Variants in NECTIN1 observed in about 807,000 individuals in gnomAD.
NECTIN1 encodes nectin-1.
A neutral mutation model predicts 48.0 loss-of-function variants in NECTIN1; 23 were observed. The ratio of observed to expected loss-of-function variants is 0.48; its 90% CI spans 0.34 to 0.68. The LOEUF (loss-of-function observed/expected upper bound fraction) is 0.68, where lower values mean the gene tolerates loss of function less well. Ranked by LOEUF, NECTIN1 falls within the 30% of genes least tolerant of loss-of-function variation. The pLI is 0.01. For missense variants in NECTIN1, 591 were observed against 709.9 expected, an observed-to-expected ratio of 0.83 and a Z score of 1.90; for synonymous variants, 270 against 288.9, an observed-to-expected ratio of 0.93 and a Z score of 0.66.
At chr11:119,728,356 C>T (rs1340135269) in intron 1 of NECTIN1, 119 bp downstream of exon 1, 1 of 994,744 alleles carries the variant, frequency 1.0e-6, no homozygotes, top group Non-Finnish European at 1.5e-6. Flanking sequence ...TTACCCAAGC[C>T]GTGACCCAAC....
intron 1 of NECTIN1, chr11:119,713,660 G>C (rs375546462): frequency 8.8e-6 from 3 of 341,088 alleles, no homozygotes; most frequent in African/African-American, 4.4e-5. Context: ...TGACAGGAAA[G>C]AATGGGACCG....
In NECTIN1 at chr11:119,683,573, GGTGTGTGTGTGTGTGTGT is replaced by G. The variant is rs66955603; in HGVS notation, c.80-4826_80-4809del. ...AGAAACAGGGGCTTTGGGGATCCCG[GGTGTGTGTGTGTGTGTGT>G]GTGTGTGTGTGTGTGTGTGGGCACT... On this transcript the variant is annotated intron_variant, in intron 1 of 5. Coordinates refer to ENST00000264025, the MANE Select transcript of NECTIN1 (RefSeq NM_002855.5). The surrounding 1 kb of genome is among the most constrained non-coding windows in gnomAD (Gnocchi z 4.0). 7.0e-6 allele frequency among the ~76,000 whole-genome samples: 1 copy of G among 143,572 alleles called. No homozygotes were observed. The highest frequency in any genetic ancestry group is 2.6e-5 in the African/African-American group (1 of 38,372). 94.2% of individuals were successfully genotyped at this position (143,572 alleles called of 152,430 possible). A position where few individuals can be genotyped will look rare whatever the true frequency, so the allele number is the denominator to read the frequency against.
downstream of NECTIN1, among the ~76,000 whole-genome samples, chr11:119,656,726 C>T (rs1465257647): frequency 2.6e-5 from 4 of 152,154 alleles, no homozygotes; most frequent in East Asian, 1.9e-4. Flanking sequence ...AGGCAGAGAG[C>T]GGAGGACTCA....
intron 5 of NECTIN1, among the ~76,000 whole-genome samples, chr11:119,667,644 G>A (rs1864796982): frequency 6.6e-6 from 1 of 152,198 alleles, no homozygotes; most frequent in Admixed American, 6.5e-5. Context: ...ACAAGATTCC[G>A]TGGTTCTCGG....
rs910789714 is a variant in NECTIN1, at chr11:119,727,953, C to A, written c.79+522G>T. Reference sequence around the variant, plus strand: ...GCCGCAGCAGCCGACTCTCCGCGCCCGCTGTGGGGCGGTGTGGGGCGGGAG... The same window carrying A: ...GCCGCAGCAGCCGACTCTCCGCGCCAGCTGTGGGGCGGTGTGGGGCGGGAG... On this transcript the variant is annotated intron_variant, in intron 1 of 5. Coordinates refer to ENST00000264025, the MANE Select transcript of NECTIN1 (RefSeq NM_002855.5). The surrounding 1 kb of genome is among the most constrained non-coding windows in gnomAD (Gnocchi z 4.1). Among the ~76,000 whole-genome samples, 7 of 152,144 alleles carry A rather than the reference C, an allele frequency of 4.6e-5. No homozygotes were observed. Among genetic ancestry groups the A allele is most frequent in the Admixed American group, 2.0e-4 (3 of 15,288 alleles).
chr11:119,661,645 T>C lies in NECTIN1; in HGVS notation c.*3102A>G. 3 of 985,860 alleles carry C rather than the reference T, an allele frequency of 3.0e-6. No individual in the cohort carries two copies. Among genetic ancestry groups the C allele is most frequent in the Non-Finnish European group, 3.6e-6 (3 of 829,952 alleles). The allele number at this position is 985,860 out of a possible 1,614,324, so 61.1% of individuals were successfully genotyped here. On this transcript the variant is annotated 3_prime_UTR_variant, in exon 6 of 6. Transcript: ENST00000264025. ...TGCTCTGAGGAAGGCAGAAAAGTTA[T>C]TGCACCAGTGACTTGGGCAAGTGGG...
In NECTIN1 at chr11:119,677,477, G is replaced by A; in HGVS notation, c.733+78C>T. The stretch of plus-strand genomic sequence containing the variant: ...AGAAAGCACCCCCAGAAAGAGAAAG[G>A]GAGGAGAAAGGAGAGGAGGAGGGAG... On this transcript the variant is annotated intron_variant, in intron 3 of 5. Coordinates refer to ENST00000264025, the MANE Select transcript of NECTIN1 (RefSeq NM_002855.5). The surrounding 1 kb of genome is among the most constrained non-coding windows in gnomAD (Gnocchi z 5.4). 1 of 1,498,922 alleles carries A rather than the reference G, an allele frequency of 6.7e-7. No individual in the cohort carries two copies. The highest frequency in any genetic ancestry group is 9.3e-7 in the Non-Finnish European group (1 of 1,078,154). The allele number at this position is 1,498,922 out of a possible 1,614,324, so 92.9% of individuals were successfully genotyped here.
chr11:119,644,430 C>T (rs1864367835), intron 5 of NECTIN1, among the ~76,000 whole-genome samples: 1 of 152,192 alleles, frequency 6.6e-6, no homozygotes, highest in South Asian at 2.1e-4. Flanking sequence ...GTCAGTGTTC[C>T]TGCACCCCAG....
intron 5 of NECTIN1, among the ~76,000 whole-genome samples, chr11:119,645,282 C>A (rs961223843): frequency 6.6e-6 from 1 of 152,158 alleles, no homozygotes; most frequent in Admixed American, 6.5e-5. Flanking sequence ...CCCCCAATGA[C>A]CAGAGAGGCA....
intron 1 of NECTIN1, among the ~76,000 whole-genome samples, chr11:119,699,337 T>C (rs1386729852): frequency 6.8e-6 from 1 of 147,500 alleles, no homozygotes. Context: ...GAGTTCCGAC[T>C]GTCCTCAAGG....
intron 7 of NECTIN1, chr11:119,638,372 C>T (rs965790755): frequency 6.3e-5 from 80 of 1,261,638 alleles, no homozygotes; most frequent in Non-Finnish European, 8.1e-5. Flanking sequence ...GCATCCCCCA[C>T]ACTGGTGACT....
downstream of NECTIN1, among the ~76,000 whole-genome samples, chr11:119,656,997 T>C (rs1864585401): frequency 6.6e-6 from 1 of 152,170 alleles, no homozygotes; most frequent in African/African-American, 2.4e-5. Context: ...CCCAAAAACC[T>C]GCTTCACGAG....
chr11:119,715,622 C>A (rs1274948065), intron 1 of NECTIN1, among the ~76,000 whole-genome samples: 1 of 152,146 alleles, frequency 6.6e-6, no homozygotes, highest in Non-Finnish European at 1.5e-5. Context: ...TCCCAAAGTG[C>A]TAGGACTATA....
intron 1 of NECTIN1, among the ~76,000 whole-genome samples, chr11:119,688,938 AG>A (rs1162171535): frequency 7.0e-6 from 1 of 142,322 alleles, no homozygotes; most frequent in Non-Finnish European, 1.5e-5. Flanking sequence ...AGGGGCAGCG[AG>A]GGGAGGGACA....
At chr11:119,651,436 G>A (rs772963041) in intron 5 of NECTIN1, among the ~76,000 whole-genome samples, 1 of 152,090 alleles carries the variant, frequency 6.6e-6, no homozygotes, top group Admixed American at 6.6e-5. Flanking sequence ...TTCTTGGGGG[G>A]GGTCTGTCCT....
intron 1 of NECTIN1, among the ~76,000 whole-genome samples, chr11:119,695,206 G>C (rs370744515): frequency 2.0e-5 from 3 of 151,914 alleles, no homozygotes; most frequent in Non-Finnish European, 4.4e-5. Context: ...ACAAGTCCCC[G>C]GTCGCTCTCC....
chr11:119,719,610 C>G (rs78766751), intron 1 of NECTIN1, among the ~76,000 whole-genome samples: 1,859 of 152,330 alleles, frequency 0.012, 34 homozygotes, highest in African/African-American at 0.042. Context: ...TGCCTGGCAT[C>G]CAGGGATTCT....
chr11:119,723,216 CAAA>C (rs34528775), intron 1 of NECTIN1, among the ~76,000 whole-genome samples: 8 of 59,226 alleles, frequency 1.4e-4, no homozygotes, highest in African/African-American at 1.9e-4. Context: ...GACTCTGTCT[CAAA>C]AAAAAAAAAA....
intron 1 of NECTIN1, among the ~76,000 whole-genome samples, chr11:119,718,060 GT>G (rs1865774093): frequency 6.6e-6 from 1 of 152,232 alleles, no homozygotes; most frequent in Admixed American, 6.5e-5. Flanking sequence ...TCAGATGACT[GT>G]TTTGCAGCCG....
Sources: allele counts gnomAD v4.1 joint callset (sites outside exome capture counted in the v4.1 genomes callset), GRCh38; gene constraint gnomAD v4.1.1; non-coding constraint Gnocchi (gnomAD v3.1); transcripts MANE v1.5; gene names NCBI Gene and HGNC (gene_info 2026-07-23, HGNC 2026-07-21).